SIN3A: variants seen among roughly 807,000 people sequenced by gnomAD.
SIN3A encodes the protein paired amphipathic helix protein Sin3a.
SIN3A carries 14 observed loss-of-function variants against 146.1 expected under a neutral mutation model. The ratio of observed to expected loss-of-function variants is 0.10; its 90% CI spans 0.06 to 0.15. The LOEUF is 0.15. Among genes scored for constraint, SIN3A ranks in the 10% least tolerant of loss-of-function variants. The probability of loss-of-function intolerance (pLI) is 1.00; values close to 1 mark genes in which losing one functional copy is unlikely to be tolerated. For missense variants in SIN3A, 1,028 were observed against 1,576.0 expected, an observed-to-expected ratio of 0.65 and a Z score of 5.89; for synonymous variants, 572 against 572.0, an observed-to-expected ratio of 1.00 and a Z score of 0.00.
upstream of SIN3A, chr15:75,455,554 G>C (rs1233410244): frequency 6.6e-6 from 1 of 152,566 alleles, no homozygotes; most frequent in East Asian, 1.9e-4. Flanking sequence ...CTCTCCCACG[G>C]CTCCGGCCAG....
At chr15:75,415,849 C>G in intron 3 of SIN3A, 1 of 147,820 alleles carries the variant, frequency 6.8e-6, no homozygotes, top group Non-Finnish European at 1.3e-5. Context: ...GAAACTCGGT[C>G]TCAGGAAAAA....
At chr15:75,438,190 G>A (rs2074138914) in intron 1 of SIN3A, among the ~76,000 whole-genome samples, 1 of 152,078 alleles carries the variant, frequency 6.6e-6, no homozygotes, top group Admixed American at 6.6e-5. Context: ...GCGAAACTCT[G>A]TCTTTACTAA....
rs138951102 is a variant in SIN3A, at chr15:75,407,130, C to G, written c.1332G>C (p.Leu444=). 2.5e-6 allele frequency: 4 copies of G among 1,610,818 alleles called. No homozygotes were observed. In the African/African-American group the frequency reaches 5.3e-5, roughly 22 times the overall value. ...CCATAGAAGAATCCTTCAGATTGAG[C>G]AGTTTGGGTTTCTTCTGCAAAAGAA... ...TTPPVKKKPK[L]LNLKDSSMAD... Residue 444 remains leucine, a synonymous_variant, in exon 9 of 21, where the codon CTG becomes CTC. Transcript: ENST00000394947.
chr15:75,376,681 A>T (rs894943715), intron 19 of SIN3A, among the ~76,000 whole-genome samples: 1 of 138,672 alleles, frequency 7.2e-6, no homozygotes, highest in African/African-American at 2.8e-5. Flanking sequence ...ACATGGCAAA[A>T]ACCCCTTCTC....
At chr15:75,406,161 C>A (rs2073508880) in intron 9 of SIN3A, among the ~76,000 whole-genome samples, 1 of 152,220 alleles carries the variant, frequency 6.6e-6, no homozygotes, top group South Asian at 2.1e-4. Flanking sequence ...CCAACAGGTG[C>A]CAGCTACCCT....
At chr15:75,436,309 A>C (rs1018114902) in intron 1 of SIN3A, 12 of 152,386 alleles carry the variant, frequency 7.9e-5, no homozygotes, top group African/African-American at 2.9e-4. Context: ...CCATCTCTAC[A>C]AAAAATACAA....
Position 75,380,963 on chromosome 15 carries a change from G to T in SIN3A, c.3289-240C>A, listed in dbSNP as rs940619904. On this transcript the variant is annotated intron_variant, in intron 18 of 20. Transcript: ENST00000394947. ...CTAAGGTTATGAGAAGTCATAAACA[G>T]GTAGAAGCTGGCTCACTGACAAGTT... 28 of 346,898 alleles carry T rather than the reference G, an allele frequency of 8.1e-5. No homozygotes were observed. In the South Asian group the frequency reaches 8.4e-4, roughly 10 times the overall value. The allele number at this position is 346,898 out of a possible 1,614,324, so 21.5% of individuals were successfully genotyped here.
Position 75,400,802 on chromosome 15 carries a change from G to C in SIN3A, c.1665C>G (p.Gly555=), listed in dbSNP as rs764746413. 6 of 1,614,066 alleles carry C rather than the reference G, an allele frequency of 3.7e-6. No homozygotes were observed. In the South Asian group the frequency reaches 5.5e-5, roughly 15 times the overall value. ...TCTTTGGTAAGGCTCGATAGCTGGA[G>C]CCCAATCGTTTACAAGAAGCATAAT... ...EIDYASCKRL[G]SSYRALPKSY... Residue 555 remains glycine, a synonymous_variant, in exon 11 of 21, where the codon GGC becomes GGG. Coordinates refer to ENST00000394947, the MANE Select transcript of SIN3A (RefSeq NM_001145358.2).
upstream of SIN3A, among the ~76,000 whole-genome samples, chr15:75,452,694 G>A (rs2074429867): frequency 6.6e-6 from 1 of 152,366 alleles, no homozygotes; most frequent in Admixed American, 6.5e-5. Flanking sequence ...GCCTCCGGAA[G>A]GCGGAGCGTG....
intron 12 of SIN3A, among the ~76,000 whole-genome samples, chr15:75,397,542 A>G (rs2073327977): frequency 1.3e-5 from 2 of 152,240 alleles, no homozygotes; most frequent in African/African-American, 4.8e-5. Flanking sequence ...TAATTCTGAT[A>G]TGCCAAATCC....
At chr15:75,409,543 G>A (rs1209647642) in intron 8 of SIN3A, among the ~76,000 whole-genome samples, 3 of 151,210 alleles carry the variant, frequency 2.0e-5, no homozygotes, top group African/African-American at 4.9e-5. Context: ...TGGCTAACAC[G>A]GTGAAACCCC....
At chr15:75,376,049 G>A in intron 19 of SIN3A, 177 bp from the exon 20 acceptor site, 2 of 632,660 alleles carry the variant, frequency 3.2e-6, no homozygotes, top group East Asian at 2.7e-5. Flanking sequence ...AAGGTACACA[G>A]AATAAAAAGC....
chr15:75,412,355 T>C (rs1452268812), intron 5 of SIN3A, among the ~76,000 whole-genome samples: 1 of 152,230 alleles, frequency 6.6e-6, no homozygotes, highest in African/African-American at 2.4e-5. Context: ...CACTATTCAT[T>C]AGATCTTCTA....
chr15:75,454,110 G>T (rs992060223), upstream of SIN3A, among the ~76,000 whole-genome samples: 1 of 152,128 alleles, frequency 6.6e-6, no homozygotes, highest in Non-Finnish European at 1.5e-5. Context: ...AGAGGCGGGG[G>T]CGGGACCTTG....
At chr15:75,389,846 G>A (rs752837619) in intron 15 of SIN3A, 25 bp from the exon 16 acceptor site, 43 of 1,609,968 alleles carry the variant, frequency 2.7e-5, no homozygotes, top group Admixed American at 1.3e-4. Flanking sequence ...GGATTGGTGA[G>A]GCCTTACCTT....
At position 75,371,261 on chromosome 15, in the gene SIN3A, C is replaced by T. The variant is rs940415662; in HGVS notation, c.*718G>A. 6.6e-6 allele frequency: 1 copy of T among 152,474 alleles called. No individual in the cohort carries two copies. The highest frequency in any genetic ancestry group is 1.5e-5 in the Non-Finnish European group (1 of 68,058). 9.4% of individuals were successfully genotyped at this position (152,474 alleles called of 1,614,324 possible). A position where few individuals can be genotyped will look rare whatever the true frequency, so the allele number is the denominator to read the frequency against. Reference sequence around the variant, plus strand: ...CAGAGAGTAAAGCTGGTGGATGGCACTAAGGTAGACTAGTAAAGAGGCAGA... The same window carrying T: ...CAGAGAGTAAAGCTGGTGGATGGCATTAAGGTAGACTAGTAAAGAGGCAGA... On this transcript the variant is annotated 3_prime_UTR_variant, in exon 21 of 21. Coordinates refer to ENST00000394947, the MANE Select transcript of SIN3A (RefSeq NM_001145358.2).
intron 15 of SIN3A, 47 bp downstream of exon 15, chr15:75,392,195 T>A (rs754662270): frequency 8.3e-6 from 13 of 1,559,174 alleles, no homozygotes; most frequent in Non-Finnish European, 1.0e-5. Context: ...GGCTCTAAGG[T>A]CCTCAACCTC....
intron 1 of SIN3A, among the ~76,000 whole-genome samples, chr15:75,434,661 AT>A (rs1271984631): frequency 2.7e-5 from 4 of 150,286 alleles, no homozygotes; most frequent in Non-Finnish European, 5.9e-5. Flanking sequence ...AAAAAAAAAA[AT>A]AAAAGGTCAG....
At chr15:75,452,577 C>T (rs1038584526), upstream of SIN3A, among the ~76,000 whole-genome samples, 1 of 152,234 alleles carries the variant, frequency 6.6e-6, no homozygotes, top group Non-Finnish European at 1.5e-5. Context: ...GAACTAAGGT[C>T]TGGAGACCTA....
Sources: gnomAD v4.1 joint callset for allele counts (sites outside exome capture counted in the v4.1 genomes callset) on GRCh38, gnomAD v4.1.1 for gene constraint, MANE v1.5 for transcripts, NCBI Gene and HGNC (gene_info 2026-07-23, HGNC 2026-07-21) for gene names.